GRM7: variants seen among roughly 807,000 people sequenced by gnomAD.
GRM7 encodes metabotropic glutamate receptor 7.
In GRM7, 35 loss-of-function variants were observed where a neutral mutation model predicts 84.5. The ratio of observed to expected loss-of-function variants is 0.41; its 90% confidence interval spans 0.32 to 0.55. The LOEUF (loss-of-function observed/expected upper bound fraction) is 0.55. Among genes scored for constraint, GRM7 ranks in the 20% least tolerant of loss-of-function variants. The pLI is 0.19. For missense variants in GRM7, 1,003 were observed against 1,194.6 expected (o/e 0.84, Z 2.36); for synonymous variants, 487 against 455.1 (o/e 1.07, Z -0.89).
intron 8 of GRM7, among the ~76,000 whole-genome samples, chr3:7,676,832 G>A (rs184466156): frequency 3.2e-4 from 49 of 152,282 alleles, no homozygotes; most frequent in Admixed American, 5.9e-4. Context: ...AGGTTAAACC[G>A]TTTAGCCTAG....
intron 2 of GRM7, among the ~76,000 whole-genome samples, chr3:7,276,804 T>TCCC: frequency 7.0e-3 from 2 of 284 alleles, no homozygotes; most frequent in African/African-American, 0.013. Flanking sequence ...CCTTCCTTCC[T>TCCC]TTTTGGTGGT....
chr3:7,149,188 GA>G (rs1694201340), intron 2 of GRM7, among the ~76,000 whole-genome samples: 1 of 152,076 alleles, frequency 6.6e-6, no homozygotes, highest in South Asian at 2.1e-4. Flanking sequence ...TCAATTAGAA[GA>G]AAGGAAGAAA....
chr3:6,883,184 T>C (rs530857556), intron 1 of GRM7, among the ~76,000 whole-genome samples: 7 of 152,336 alleles, frequency 4.6e-5, no homozygotes, highest in Non-Finnish European at 7.3e-5. Flanking sequence ...TATTTTAATG[T>C]ATTTATTGAC....
At chr3:7,400,451 A>G (rs778223135) in intron 4 of GRM7, among the ~76,000 whole-genome samples, 1 of 152,122 alleles carries the variant, frequency 6.6e-6, no homozygotes, top group Non-Finnish European at 1.5e-5. Flanking sequence ...ACCCTCTACA[A>G]TCTGGCTCCA....
At chr3:6,979,676 C>A (rs1389463698) in intron 1 of GRM7, among the ~76,000 whole-genome samples, 1 of 152,018 alleles carries the variant, frequency 6.6e-6, no homozygotes, top group Non-Finnish European at 1.5e-5. Context: ...TGACAGATTA[C>A]AAATCATTGT....
chr3:7,262,497 G>C (rs1327836333), intron 2 of GRM7, among the ~76,000 whole-genome samples: 1 of 151,880 alleles, frequency 6.6e-6, no homozygotes, highest in Non-Finnish European at 1.5e-5. Flanking sequence ...TGTCAGTTTC[G>C]GTATCATTTT....
intron 1 of GRM7, among the ~76,000 whole-genome samples, chr3:7,112,868 CA>C (rs1692906981): frequency 6.6e-6 from 1 of 152,282 alleles, no homozygotes; most frequent in African/African-American, 2.4e-5. Flanking sequence ...ACACATCAAA[CA>C]ATAGGACTAC....
At chr3:7,069,923 C>T (rs1487099361) in intron 1 of GRM7, among the ~76,000 whole-genome samples, 3 of 152,146 alleles carry the variant, frequency 2.0e-5, no homozygotes, top group South Asian at 2.1e-4. Flanking sequence ...GATTCACTTT[C>T]CATAGAGTTG....
chr3:7,164,959 T>C (rs1694752029), intron 2 of GRM7, among the ~76,000 whole-genome samples: 1 of 152,066 alleles, frequency 6.6e-6, no homozygotes. Context: ...TCTTCAGGGG[T>C]TCATATGTCT....
chr3:7,540,466 G>C, intron 7 of GRM7, among the ~76,000 whole-genome samples: 1 of 152,186 alleles, frequency 6.6e-6, no homozygotes, highest in East Asian at 1.9e-4. Flanking sequence ...CTAAGTGAAA[G>C]TAGCTAGATA....
At chr3:7,509,220 G>C (rs1264394588) in intron 7 of GRM7, among the ~76,000 whole-genome samples, 1 of 152,108 alleles carries the variant, frequency 6.6e-6, no homozygotes, top group African/African-American at 2.4e-5. Flanking sequence ...TTTTGAGAGA[G>C]AGAGAGAACA....
At chr3:7,174,751 C>G (rs567395211) in intron 2 of GRM7, among the ~76,000 whole-genome samples, 43 of 152,320 alleles carry the variant, frequency 2.8e-4, no homozygotes, top group Admixed American at 1.3e-4. Context: ...TGGGTGAAAA[C>G]TAGTCATGTG....
Position 7,306,658 on chromosome 3 carries a change from G to A in GRM7, c.1033+6G>A. 6 of 1,583,370 alleles carry A rather than the reference G, an allele frequency of 3.8e-6. No homozygotes were observed. Among genetic ancestry groups the A allele is most frequent in the Non-Finnish European group, 5.2e-6 (6 of 1,163,928 alleles). On this transcript the variant is annotated splice_donor_region_variant and intron_variant, in intron 4 of 9. Transcript: ENST00000357716. ...CAAGCGAGCCACGGTGGAAGGTATG[G>A]GTTTCATCAGCAGTAGGTTTGCTGA...
intron 1 of GRM7, among the ~76,000 whole-genome samples, chr3:6,963,660 G>A (rs982781800): frequency 6.6e-6 from 1 of 152,122 alleles, no homozygotes; most frequent in African/African-American, 2.4e-5. Flanking sequence ...TCCAAAATGT[G>A]TGTATATGTT....
chr3:6,945,944 A>C (rs1698061918), intron 1 of GRM7, among the ~76,000 whole-genome samples: 1 of 152,096 alleles, frequency 6.6e-6, no homozygotes, highest in East Asian at 1.9e-4. Context: ...AGTTCATTGT[A>C]GATTCTGGAT....
At chr3:7,372,246 G>A (rs1200313124) in intron 4 of GRM7, among the ~76,000 whole-genome samples, 1 of 152,174 alleles carries the variant, frequency 6.6e-6, no homozygotes, top group East Asian at 1.9e-4. Flanking sequence ...TTGAGTTTTA[G>A]ATGTTAGCAA....
chr3:7,256,645 ATACACACACACAC>A (rs1264710334), intron 2 of GRM7, among the ~76,000 whole-genome samples: 8 of 152,092 alleles, frequency 5.3e-5, no homozygotes, highest in South Asian at 2.1e-4. Flanking sequence ...ACACACACAC[ATACACACACACAC>A]AAAAAATGAG....
intron 1 of GRM7, among the ~76,000 whole-genome samples, chr3:7,065,845 T>G (rs1390293198): frequency 6.6e-6 from 1 of 151,806 alleles, no homozygotes; most frequent in East Asian, 1.9e-4. Context: ...CAGACCACAG[T>G]GGAATACAAC....
intron 6 of GRM7, among the ~76,000 whole-genome samples, chr3:7,454,050 A>C (rs908902964): frequency 6.6e-6 from 1 of 150,430 alleles, no homozygotes; most frequent in Non-Finnish European, 1.5e-5. Flanking sequence ...GGGCTATGGT[A>C]ATTATGAGCC....
Sources: allele counts gnomAD v4.1 joint callset (sites outside exome capture counted in the v4.1 genomes callset), GRCh38; gene constraint gnomAD v4.1.1; transcripts MANE v1.5; gene names NCBI Gene and HGNC (gene_info 2026-07-23, HGNC 2026-07-21).